FER: variants seen among roughly 807,000 people sequenced by gnomAD.
FER encodes tyrosine-protein kinase Fer.
Under a neutral mutation model 111.0 loss-of-function variants are expected in FER, and 63 were observed. That is an observed-to-expected ratio of 0.57 (90% CI 0.46 to 0.70). The LOEUF is 0.70. Ranked by LOEUF, FER falls within the 30% of genes least tolerant of loss-of-function variation. The pLI is 0.00. For synonymous variants in FER, 327 were observed against 313.9 expected (o/e 1.04, Z -0.44); for missense variants, 914 against 954.0 (o/e 0.96, Z 0.55).
At chr5:108,821,546 ATG>A (rs1473284039) in intron 3 of FER, among the ~76,000 whole-genome samples, 2 of 152,046 alleles carry the variant, frequency 1.3e-5, no homozygotes, top group African/African-American at 4.8e-5. Flanking sequence ...TGCCTTTTTC[ATG>A]CTTCTTGTGC....
chr5:108,974,110 G>A (rs1295037508), intron 13 of FER, among the ~76,000 whole-genome samples: 3 of 152,198 alleles, frequency 2.0e-5, no homozygotes, highest in South Asian at 4.2e-4. Context: ...CAATAAATAC[G>A]TATTTAGTTG....
chr5:108,809,609 C>T (rs1757542009), intron 3 of FER, among the ~76,000 whole-genome samples: 1 of 152,144 alleles, frequency 6.6e-6, no homozygotes, highest in Non-Finnish European at 1.5e-5. Context: ...GTTGCCCAGG[C>T]TGGTGTGCAG....
At chr5:108,850,695 GTA>G (rs1235724833) in intron 5 of FER, among the ~76,000 whole-genome samples, 3 of 151,852 alleles carry the variant, frequency 2.0e-5, no homozygotes, top group African/African-American at 7.3e-5. Context: ...GAATATCTGT[GTA>G]TTCTGTTTAT....
Position 109,110,063 on chromosome 5 carries a change from A to G in FER, c.2048+9544A>G, listed in dbSNP as rs559742331. 5.9e-5 allele frequency among the ~76,000 whole-genome samples: 9 copies of G among 152,176 alleles called. No homozygotes were observed. In the East Asian group the frequency reaches 1.5e-3, roughly 26 times the overall value. Reference sequence around the variant, plus strand: ...AGGCACTGTATCTCTGACTCCACTCATATCTCCATAGTCTGCTACTTCACT... The same window carrying G: ...AGGCACTGTATCTCTGACTCCACTCGTATCTCCATAGTCTGCTACTTCACT... On this transcript the variant is annotated intron_variant, in intron 17 of 19. Coordinates refer to ENST00000281092, the MANE Select transcript of FER (RefSeq NM_005246.4).
chr5:108,849,909 G>C (rs1460329299), intron 5 of FER, among the ~76,000 whole-genome samples: 1 of 152,026 alleles, frequency 6.6e-6, no homozygotes, highest in Admixed American at 6.6e-5. Context: ...CACATTATTA[G>C]GGCCAGGCGC....
chr5:108,760,966 TG>T (rs1299095867), intron 1 of FER, among the ~76,000 whole-genome samples: 1 of 152,054 alleles, frequency 6.6e-6, no homozygotes, highest in Non-Finnish European at 1.5e-5. Context: ...AGTCTCGCTC[TG>T]TTGCCCAGGC....
At chr5:108,772,592 G>GCTGGAGATAACATTGT (rs1446870243) in intron 2 of FER, among the ~76,000 whole-genome samples, 2 of 152,012 alleles carry the variant, frequency 1.3e-5, no homozygotes, top group Admixed American at 1.3e-4. Flanking sequence ...CCCTGAGATA[G>GCTGGAGATAACATTGT]CTGGAGATAA....
intron 17 of FER, among the ~76,000 whole-genome samples, chr5:109,118,414 T>G (rs1377408292): frequency 6.6e-6 from 1 of 152,172 alleles, no homozygotes; most frequent in Non-Finnish European, 1.5e-5. Flanking sequence ...TTGCCAGCAT[T>G]TTATTGAGGA....
At chr5:108,786,657 C>A (rs561623184) in intron 2 of FER, among the ~76,000 whole-genome samples, 3 of 152,048 alleles carry the variant, frequency 2.0e-5, no homozygotes, top group African/African-American at 7.3e-5. Context: ...CCTGCTAGCA[C>A]GCCCAGCTAA....
chr5:108,887,210 G>A (rs1452595581), intron 9 of FER, among the ~76,000 whole-genome samples: 1 of 151,432 alleles, frequency 6.6e-6, no homozygotes, highest in African/African-American at 2.4e-5. Context: ...TAAATTAATG[G>A]AATTATATTG....
intron 5 of FER, among the ~76,000 whole-genome samples, chr5:108,863,894 G>A (rs1763772864): frequency 6.6e-6 from 1 of 152,098 alleles, no homozygotes; most frequent in African/African-American, 2.4e-5. Context: ...TATTACTTTA[G>A]TGATTCAAGT....
chr5:109,175,182 G>A (rs1050566777), intron 17 of FER, among the ~76,000 whole-genome samples: 3 of 152,180 alleles, frequency 2.0e-5, no homozygotes, highest in African/African-American at 7.2e-5. Flanking sequence ...ATTCCCCGAT[G>A]CATTGTTTCT....
At chr5:108,940,902 C>T (rs1418752377) in intron 10 of FER, among the ~76,000 whole-genome samples, 4 of 152,044 alleles carry the variant, frequency 2.6e-5, no homozygotes, top group Non-Finnish European at 5.9e-5. Context: ...GAGCCCCTTC[C>T]CAAACTGATT....
At chr5:108,863,276 C>T (rs558047984) in intron 5 of FER, among the ~76,000 whole-genome samples, 1 of 152,238 alleles carries the variant, frequency 6.6e-6, no homozygotes, top group South Asian at 2.1e-4. Flanking sequence ...TGCACCACCA[C>T]ACCTGGCTAC....
At chr5:109,121,094 C>G (rs189710359) in intron 17 of FER, among the ~76,000 whole-genome samples, 244 of 152,070 alleles carry the variant, frequency 1.6e-3, no homozygotes, top group African/African-American at 5.6e-3. Context: ...ATTTCTTTCT[C>G]TTGTCTGATT....
At chr5:108,754,341 A>G (rs529625412) in intron 1 of FER, among the ~76,000 whole-genome samples, 1 of 151,144 alleles carries the variant, frequency 6.6e-6, no homozygotes, top group Admixed American at 6.6e-5. Context: ...CAGGAGTTCA[A>G]TACTGCATTG....
chr5:108,958,107 G>A (rs571986387), intron 12 of FER, among the ~76,000 whole-genome samples: 56 of 151,132 alleles, frequency 3.7e-4, no homozygotes, highest in Non-Finnish European at 7.0e-4. Flanking sequence ...AAACTAATGC[G>A]TGTTTGTTCA....
chr5:108,893,505 G>C (rs1748520383), intron 9 of FER, among the ~76,000 whole-genome samples: 1 of 151,756 alleles, frequency 6.6e-6, no homozygotes, highest in Non-Finnish European at 1.5e-5. Flanking sequence ...TATCTTCCTA[G>C]AAGTAGGAGG....
rs531729716 is a variant in FER, at chr5:108,934,005, G to A, written c.1237-12125G>A. ...AGCTTAAGGAGATTTTGGCTGAGAC[G>A]ATGGCGTTTTCTAAAATTTGACTTC... On this transcript the variant is annotated intron_variant, in intron 10 of 19. Transcript: ENST00000281092. Among the ~76,000 whole-genome samples, 12 of 152,124 alleles carry A rather than the reference G, an allele frequency of 7.9e-5. No homozygotes were observed. The South Asian group carries it at 8.3e-4, about 11-fold the overall frequency.
Sources: gnomAD v4.1 joint callset for allele counts (sites outside exome capture counted in the v4.1 genomes callset) on GRCh38, gnomAD v4.1.1 for gene constraint, MANE v1.5 for transcripts, NCBI Gene and HGNC (gene_info 2026-07-23, HGNC 2026-07-21) for gene names.